Variants in DIAPH3 observed in about 807,000 individuals in gnomAD.
DIAPH3 encodes the protein diaphanous related formin 3, also known as protein diaphanous homolog 3.
In DIAPH3, 117 loss-of-function variants were observed where a neutral mutation model predicts 144.3. That is an observed-to-expected ratio of 0.81 (90% CI 0.70 to 0.95). DIAPH3 has a LOEUF of 0.95. DIAPH3 is among the 40% of genes least tolerant of loss of function. The pLI is 0.00. For synonymous variants in DIAPH3, 519 were observed against 488.9 expected (o/e 1.06, Z -0.81); for missense variants, 1,421 against 1,412.7 (o/e 1.01, Z -0.09).
At chr13:59,845,919 GT>G (rs1465650651) in intron 22 of DIAPH3, among the ~76,000 whole-genome samples, 3 of 152,092 alleles carry the variant, frequency 2.0e-5, no homozygotes, top group Non-Finnish European at 4.4e-5. Flanking sequence ...ATACCCAAAT[GT>G]TTGCTGAAGG....
At chr13:60,088,757 GATTACAGGCCTGTGCC>G (rs1438230302) in intron 4 of DIAPH3, among the ~76,000 whole-genome samples, 2 of 152,114 alleles carry the variant, frequency 1.3e-5, no homozygotes, top group Non-Finnish European at 2.9e-5. Context: ...GAATAGCTGG[GATTACAGGCCTGTGCC>G]ACTACACCCA....
intron 9 of DIAPH3, among the ~76,000 whole-genome samples, chr13:59,997,457 C>CT (rs1377998880): frequency 2.0e-5 from 3 of 152,104 alleles, no homozygotes; most frequent in Non-Finnish European, 2.9e-5. Context: ...CTGATAAACA[C>CT]TTAGGTTTAT....
intron 4 of DIAPH3, among the ~76,000 whole-genome samples, chr13:60,083,018 T>G (rs1336200270): frequency 6.6e-6 from 1 of 152,076 alleles, no homozygotes; most frequent in Non-Finnish European, 1.5e-5. Context: ...TAAGTATCCT[T>G]GGCCCTCAGC....
chr13:60,043,966 T>A (rs769280931), intron 4 of DIAPH3, among the ~76,000 whole-genome samples: 54 of 151,994 alleles, frequency 3.6e-4, no homozygotes, highest in Admixed American at 2.2e-3. Flanking sequence ...CTTGAGTGTT[T>A]AAATAAAAAG....
chr13:59,728,492 CATTA>C (rs1488275193), intron 27 of DIAPH3, among the ~76,000 whole-genome samples: 1 of 151,912 alleles, frequency 6.6e-6, no homozygotes, highest in Non-Finnish European at 1.5e-5. Flanking sequence ...ATAGTGGTAA[CATTA>C]ATTGACACTG....
chr13:59,742,732 A>G (rs111999199), intron 27 of DIAPH3, among the ~76,000 whole-genome samples: 1 of 106,312 alleles, frequency 9.4e-6, no homozygotes, highest in South Asian at 3.1e-4. Flanking sequence ...GAAAAGAAAG[A>G]AGCAGATCAA....
intron 4 of DIAPH3, among the ~76,000 whole-genome samples, chr13:60,053,557 A>T (rs1164500566): frequency 3.3e-5 from 5 of 152,064 alleles, no homozygotes; most frequent in African/African-American, 1.2e-4. Flanking sequence ...CTAAAACTAA[A>T]TGCTCTTTCT....
At chr13:59,913,687 G>T (rs9570231) in intron 19 of DIAPH3, among the ~76,000 whole-genome samples, 8,931 of 152,222 alleles carry the variant, frequency 0.059, 413 homozygotes, top group East Asian at 0.28. Context: ...AGCCGGGCAT[G>T]GTGGCTCACG....
chr13:60,087,205 C>A (rs2057775456), intron 4 of DIAPH3, among the ~76,000 whole-genome samples: 1 of 152,134 alleles, frequency 6.6e-6, no homozygotes. Context: ...GGATGCAAAA[C>A]CAACCCATGG....
chr13:60,099,822 T>C (rs2058215064), intron 3 of DIAPH3, among the ~76,000 whole-genome samples: 1 of 152,046 alleles, frequency 6.6e-6, no homozygotes, highest in African/African-American at 2.4e-5. Context: ...AGCTTTTTTT[T>C]TCATTCAATA....
intron 20 of DIAPH3, among the ~76,000 whole-genome samples, 179 bp from the exon 21 acceptor site, chr13:59,879,647 T>C (rs950510506): frequency 2.0e-5 from 3 of 151,990 alleles, no homozygotes; most frequent in Admixed American, 1.3e-4. Context: ...GAATCCAGAG[T>C]CATCCCTCAA....
chr13:60,091,024 T>C (rs926112735), intron 4 of DIAPH3, among the ~76,000 whole-genome samples: 2 of 152,222 alleles, frequency 1.3e-5, no homozygotes, highest in Non-Finnish European at 2.9e-5. Context: ...CTTAAAATTA[T>C]GTTTATTATC....
intron 2 of DIAPH3, among the ~76,000 whole-genome samples, chr13:60,120,242 G>A (rs1048572450): frequency 3.9e-5 from 6 of 152,166 alleles, no homozygotes; most frequent in African/African-American, 1.4e-4. Flanking sequence ...TTAAGCACTA[G>A]TGACATCACT....
chr13:59,787,398 A>C (rs912427922), intron 25 of DIAPH3, among the ~76,000 whole-genome samples: 2 of 152,212 alleles, frequency 1.3e-5, no homozygotes, highest in Non-Finnish European at 2.9e-5. Flanking sequence ...TTCCTAAGAA[A>C]ATCCAAAAGT....
chr13:59,808,936 T>G (rs1278978251), intron 25 of DIAPH3, among the ~76,000 whole-genome samples: 2 of 152,152 alleles, frequency 1.3e-5, no homozygotes, highest in African/African-American at 4.8e-5. Flanking sequence ...TTTTAGGTGT[T>G]TTCGATAATG....
chr13:59,767,933 G>T (rs944306354), intron 27 of DIAPH3, among the ~76,000 whole-genome samples: 1 of 151,964 alleles, frequency 6.6e-6, no homozygotes, highest in Non-Finnish European at 1.5e-5. Flanking sequence ...TATGCCAAAA[G>T]GTTGTCCTGC....
chr13:59,715,904 A>T (rs1351096441), intron 27 of DIAPH3, among the ~76,000 whole-genome samples: 1 of 152,170 alleles, frequency 6.6e-6, no homozygotes, highest in Admixed American at 6.5e-5. Context: ...CAAGAAGATA[A>T]TGATACTACT....
chr13:59,840,268 T>C (rs778756860), intron 22 of DIAPH3, among the ~76,000 whole-genome samples: 29 of 152,188 alleles, frequency 1.9e-4, no homozygotes, highest in Non-Finnish European at 3.7e-4. Flanking sequence ...CTATTGTTTT[T>C]GTTCAATGTG....
chr13:59,715,150 C>T (rs539527687), intron 27 of DIAPH3, among the ~76,000 whole-genome samples: 21 of 152,152 alleles, frequency 1.4e-4, no homozygotes, highest in Non-Finnish European at 2.4e-4. Flanking sequence ...ATATTTGTTA[C>T]CATTTATGAT....
Sources: allele counts gnomAD v4.1 joint callset (sites outside exome capture counted in the v4.1 genomes callset), GRCh38; gene constraint gnomAD v4.1.1; transcripts MANE v1.5; gene names NCBI Gene and HGNC (gene_info 2026-07-23, HGNC 2026-07-21).